Variants in C5orf22 observed in about 807,000 individuals in gnomAD.
The protein encoded by C5orf22 is UPF0489 protein C5orf22.
Under a neutral mutation model 48.7 loss-of-function variants are expected in C5orf22, and 36 were observed. That is an observed-to-expected ratio of 0.74 (90% CI 0.57 to 0.98). The LOEUF is 0.98. Among genes scored for constraint, C5orf22 ranks in the 50% least tolerant of loss-of-function variants. C5orf22 has a pLI of 0.00. For missense variants in C5orf22, 486 were observed against 521.9 expected (o/e 0.93, Z 0.67); for synonymous variants, 141 against 180.8 (o/e 0.78, Z 1.76).
chr5:31,541,518 C>A, intron 6 of C5orf22, 116 bp downstream of exon 6: 1 of 1,129,098 alleles, frequency 8.9e-7, no homozygotes, highest in Non-Finnish European at 1.3e-6. Context: ...ACTTGGGACA[C>A]TGAGGCAGGA....
intron 8 of C5orf22, among the ~76,000 whole-genome samples, 156 bp from the exon 9 acceptor site, chr5:31,552,617 A>G (rs1018621886): frequency 6.6e-6 from 1 of 152,234 alleles, no homozygotes; most frequent in Non-Finnish European, 1.5e-5. Context: ...GGTGACTAAC[A>G]TGGGGTAAAC....
chr5:31,535,653 G>T, intron 2 of C5orf22, 91 bp from the exon 3 acceptor site: 1 of 999,744 alleles, frequency 1.0e-6, no homozygotes, highest in Non-Finnish European at 1.4e-6. Flanking sequence ...CACACTTTGA[G>T]ACCTGTGGTC....
intron 7 of C5orf22, among the ~76,000 whole-genome samples, chr5:31,548,250 G>T (rs960112529): frequency 6.6e-6 from 1 of 151,588 alleles, no homozygotes; most frequent in Non-Finnish European, 1.5e-5. Context: ...GCAGTGAGCC[G>T]AGATGGTACC....
chr5:31,538,574 C>A lies in C5orf22; in HGVS notation c.692C>A (p.Thr231Asn). The A allele has an allele frequency of 6.2e-7, 1 of 1,614,122 alleles. No individual in the cohort carries two copies. Among genetic ancestry groups the A allele is most frequent in the South Asian group, 1.1e-5 (1 of 91,076 alleles). Residue 231 changes from threonine to asparagine, a missense_variant, in exon 4 of 9, where the codon ACT becomes AAT. Transcript: ENST00000325366. ...TCTTCTGAAAATCAGGAATGCCAGA[C>A]TGCTGCCAGCACTGGGGAAATTCTG... is the stretch of plus-strand genomic sequence containing the variant. ...SCSSENQECQ[T>N]AASTGEILEI... is the part of the protein sequence containing the mutation.
At chr5:31,547,543 G>A (rs569514160) in intron 7 of C5orf22, among the ~76,000 whole-genome samples, 33 of 152,370 alleles carry the variant, frequency 2.2e-4, no homozygotes, top group South Asian at 8.3e-4. Flanking sequence ...GCATCCAGGT[G>A]TTTCCATACA....
intron 3 of C5orf22, among the ~76,000 whole-genome samples, chr5:31,536,384 G>A (rs1297617946): frequency 1.3e-5 from 2 of 152,116 alleles, no homozygotes; most frequent in Admixed American, 1.3e-4. Flanking sequence ...TTAGCCGGGC[G>A]TGGTGGCAGG....
Position 31,552,839 on chromosome 5 carries a change from G to C in C5orf22, c.1266G>C (p.Met422Ile). The C allele has an allele frequency of 6.2e-7, 1 of 1,613,656 alleles. No homozygotes were observed. Among genetic ancestry groups the C allele is most frequent in the Non-Finnish European group, 8.5e-7 (1 of 1,179,620 alleles). ...CTATTCAAGAAAAGGTCCTCAATAT[G>C]CTACGTGCCCTCTATGGAAATCTAG... Reference protein sequence around the residue: ...VDTIQEKVLNMLRALYGNLDL... With the variant: ...VDTIQEKVLNILRALYGNLDL... Residue 422 changes from methionine (M) to isoleucine (I), a missense_variant, in exon 9 of 9, where the codon ATG becomes ATC. Met to Ile is a conservative substitution (Grantham distance 10, BLOSUM62 1). This residue lies in a region of C5orf22 where 408 missense variants were observed against 444.0 expected (regional missense o/e 0.92). Coordinates refer to ENST00000325366, the MANE Select transcript of C5orf22 (RefSeq NM_018356.3).
rs562089915 is a variant in C5orf22 at position 31,552,030 on chromosome 5, C to A, written c.1199+598C>A. 1.6e-4 allele frequency among the ~76,000 whole-genome samples: 24 copies of A among 152,304 alleles called. No homozygotes were observed. In the South Asian group the frequency reaches 4.8e-3, roughly 30 times the overall value. On this transcript the variant is annotated intron_variant, in intron 8 of 8. Coordinates refer to ENST00000325366, the MANE Select transcript of C5orf22 (RefSeq NM_018356.3). ...AATTCCAGTTCTTCTATAAAGATTT[C>A]TGTGCTGCTCTTCTCACTCTGTCCT...
rs1476411214 is a variant in C5orf22 at position 31,532,400 on chromosome 5, A to T, written c.8A>T (p.Asp3Val). 6.2e-7 allele frequency: 1 copy of T among 1,613,466 alleles called. No individual in the cohort carries two copies. Among genetic ancestry groups the T allele is most frequent in the South Asian group, 1.1e-5 (1 of 91,064 alleles). ...ACTGACGGGCGCAAAAACATGAGTG[A>T]CTCCGCGGGAGGGCGCGCTGGTCTC... MS[D>V]SAGGRAGLRR... Residue 3 changes from aspartate (D) to valine (V), a missense_variant, in exon 1 of 9, where the codon GAC becomes GTC. Physicochemically the swap from Asp to Val is radical, Grantham distance 152 (BLOSUM62 -3). Around this residue, in one of 3 missense-constraint regions of C5orf22, gnomAD observed 74 missense variants for 61.2 expected, o/e 1.21. Coordinates refer to ENST00000325366, the MANE Select transcript of C5orf22 (RefSeq NM_018356.3).
At position 31,545,719 on chromosome 5, in the gene C5orf22, AT is replaced by A; in HGVS notation, c.1059+11del. The stretch of plus-strand genomic sequence containing the variant: ...AGTACCAGACTATGAAATGGTAAAT[AT>A]TTTATATTAATGTGTAAAATTGACC... On this transcript the variant is annotated splice_region_variant and intron_variant, in intron 7 of 8. Transcript: ENST00000325366. The A allele has an allele frequency of 6.4e-7, 1 of 1,561,968 alleles. No individual in the cohort carries two copies. The highest frequency in any genetic ancestry group is 8.8e-7 in the Non-Finnish European group (1 of 1,135,706).
In C5orf22 at chr5:31,545,629, G is replaced by A; in HGVS notation, c.993-17G>A. 6.3e-7 allele frequency: 1 copy of A among 1,598,848 alleles called. No individual in the cohort carries two copies. The highest frequency in any genetic ancestry group is 1.3e-5 in the African/African-American group (1 of 74,674). The stretch of plus-strand genomic sequence containing the variant: ...GGTGGTTGTGATGTTTAATTGAGTG[G>A]GATGGCTTTTTTCCAGAATGGAATC... On this transcript the variant is annotated splice_polypyrimidine_tract_variant and intron_variant, in intron 6 of 8. Coordinates refer to ENST00000325366, the MANE Select transcript of C5orf22 (RefSeq NM_018356.3).
chr5:31,532,523 C>A (rs775096385), intron 1 of C5orf22, 50 bp downstream of exon 1: 3 of 1,516,602 alleles, frequency 2.0e-6, no homozygotes, highest in Non-Finnish European at 2.7e-6. Context: ...GAAGCCCTGA[C>A]GCTCAGAGGG....
chr5:31,540,894 A>T, intron 4 of C5orf22, 55 bp from the exon 5 acceptor site: 2 of 1,312,126 alleles, frequency 1.5e-6, no homozygotes, highest in Non-Finnish European at 2.2e-6. Flanking sequence ...GCATATCATT[A>T]AAAAATTTTA....
chr5:31,551,784 A>C (rs1743283687), intron 8 of C5orf22, among the ~76,000 whole-genome samples: 1 of 152,160 alleles, frequency 6.6e-6, no homozygotes, highest in African/African-American at 2.4e-5. Flanking sequence ...CCCTGTCAGC[A>C]CCTTTATTTT....
intron 2 of C5orf22, 121 bp from the exon 3 acceptor site, chr5:31,535,623 T>A: frequency 1.5e-6 from 1 of 659,052 alleles, no homozygotes; most frequent in Non-Finnish European, 2.4e-6. Flanking sequence ...TGAAAAAGTC[T>A]CAGGAACCAC....
At chr5:31,552,054 C>T (rs1047280931) in intron 8 of C5orf22, among the ~76,000 whole-genome samples, 3 of 152,166 alleles carry the variant, frequency 2.0e-5, no homozygotes, top group African/African-American at 7.2e-5. Context: ...TCACTCTGTC[C>T]TCTAGAAGGC....
intron 1 of C5orf22, 106 bp from the exon 2 acceptor site, chr5:31,534,166 A>G: frequency 5.2e-6 from 5 of 965,776 alleles, no homozygotes; most frequent in Non-Finnish European, 7.8e-6. Flanking sequence ...GCAACATAGT[A>G]TGCTTTCAAT....
At chr5:31,540,623 T>C (rs1742394326) in intron 4 of C5orf22, among the ~76,000 whole-genome samples, 1 of 152,238 alleles carries the variant, frequency 6.6e-6, no homozygotes, top group Admixed American at 6.5e-5. Flanking sequence ...CAGAATATTA[T>C]TTAAAATATT....
chr5:31,536,316 C>G (rs1267954512), intron 3 of C5orf22, among the ~76,000 whole-genome samples: 2 of 152,108 alleles, frequency 1.3e-5, no homozygotes, highest in Non-Finnish European at 2.9e-5. Flanking sequence ...GTCAAGAGAT[C>G]GAGATCATCC....
Sources: allele counts gnomAD v4.1 joint callset (sites outside exome capture counted in the v4.1 genomes callset), GRCh38; gene constraint gnomAD v4.1.1; regional missense constraint gnomAD v4.1.1; transcripts MANE v1.5; gene names NCBI Gene and HGNC (gene_info 2026-07-23, HGNC 2026-07-21).